LOC131768270: variants seen among roughly 807,000 people sequenced by gnomAD.
chr5:140,566,435 C>A, the LOC131768270 span: 1 of 398,594 alleles, frequency 2.5e-6, no homozygotes, highest in Non-Finnish European at 4.4e-6. Context: ...TGGGAAAAAT[C>A]TGGAGAAAAT....
At chr5:140,566,860 C>T in the LOC131768270 span, 1 of 608,542 alleles carries the variant, frequency 1.6e-6, no homozygotes, top group Non-Finnish European at 2.9e-6. Flanking sequence ...CTATCTCCAA[C>T]TTTCCTGCCA....
the LOC131768270 span, chr5:140,568,235 C>T: frequency 6.3e-7 from 1 of 1,594,126 alleles, no homozygotes; most frequent in Non-Finnish European, 8.6e-7. Context: ...CTCCCATCAG[C>T]AGCCCTGTAA....
chr5:140,566,125 C>G, the LOC131768270 span, among the ~76,000 whole-genome samples: 2 of 152,130 alleles, frequency 1.3e-5, no homozygotes, highest in Non-Finnish European at 2.9e-5. Flanking sequence ...GGCACATGAA[C>G]TAATATCTTA....
At chr5:140,567,526 T>TAATC in the LOC131768270 span, 1 of 1,614,186 alleles carries the variant, frequency 6.2e-7, no homozygotes, top group Non-Finnish European at 8.5e-7. Context: ...AGGTGCTGAG[T>TAATC]AATCTCAAGA....
the LOC131768270 span, chr5:140,567,662 G>A: frequency 4.9e-5 from 79 of 1,613,886 alleles, no homozygotes; most frequent in Middle Eastern, 4.9e-4. Context: ...TCAAGTTCCC[G>A]GGAACACCCT....
chr5:140,568,608 T>C, the LOC131768270 span: 1 of 193,206 alleles, frequency 5.2e-6, no homozygotes, highest in Non-Finnish European at 1.2e-5. Context: ...TAAGGGATCC[T>C]CACCCTTCCA....
At chr5:140,568,045 G>C in the LOC131768270 span, 2 of 1,613,966 alleles carry the variant, frequency 1.2e-6, no homozygotes, top group East Asian at 4.5e-5. Context: ...TCAACGCCGT[G>C]CTCTCAGCAG....
chr5:140,567,308 C>T, the LOC131768270 span: 1 of 1,614,170 alleles, frequency 6.2e-7, no homozygotes, highest in Non-Finnish European at 8.5e-7. Flanking sequence ...CGGCCGAGTG[C>T]CCTTCCGGCC....
the LOC131768270 span, chr5:140,566,911 G>C: frequency 1.5e-6 from 1 of 645,742 alleles, no homozygotes; most frequent in South Asian, 1.8e-5. Context: ...GTGGACAGTA[G>C]TTCCTCAGCC....
At chr5:140,566,987 G>A in the LOC131768270 span, 7 of 931,022 alleles carry the variant, frequency 7.5e-6, no homozygotes, top group Non-Finnish European at 1.2e-5. Context: ...GTGGCTTCAA[G>A]GACCACCAGC....
At chr5:140,566,123 A>T in the LOC131768270 span, among the ~76,000 whole-genome samples, 2 of 152,192 alleles carry the variant, frequency 1.3e-5, no homozygotes, top group African/African-American at 4.8e-5. Flanking sequence ...ATGGCACATG[A>T]ACTAATATCT....
At chr5:140,567,880 T>TGGC in the LOC131768270 span, 7 of 1,614,244 alleles carry the variant, frequency 4.3e-6, no homozygotes, top group Non-Finnish European at 5.1e-6. Context: ...GTCTGCATGC[T>TGGC]GGCGGCGGCT....
chr5:140,567,832 C>A, the LOC131768270 span: 1 of 1,614,160 alleles, frequency 6.2e-7, no homozygotes, highest in Non-Finnish European at 8.5e-7. Flanking sequence ...CACTTCAGAA[C>A]CTCTTCCTCT....
chr5:140,567,787 A>G, the LOC131768270 span: 2 of 1,613,952 alleles, frequency 1.2e-6, no homozygotes, highest in South Asian at 1.1e-5. Flanking sequence ...CAGTGTACAC[A>G]GAGCTGCTCA....
the LOC131768270 span, chr5:140,567,466 C>T: frequency 6.2e-7 from 1 of 1,614,164 alleles, no homozygotes; most frequent in Non-Finnish European, 8.5e-7. Flanking sequence ...ATGGCGCTAA[C>T]AACAACCTGG....
the LOC131768270 span, chr5:140,567,934 C>T: frequency 2.3e-5 from 37 of 1,614,080 alleles, no homozygotes; most frequent in African/African-American, 6.7e-5. Context: ...GGGCAGCACT[C>T]GTGGTGCTGA....
chr5:140,566,689 A>T, the LOC131768270 span: 4 of 531,986 alleles, frequency 7.5e-6, no homozygotes, highest in Non-Finnish European at 1.3e-5. Flanking sequence ...TATGCGGCTC[A>T]GGCATATGCT....
the LOC131768270 span, chr5:140,567,307 G>A: frequency 6.2e-7 from 1 of 1,614,168 alleles, no homozygotes; most frequent in Non-Finnish European, 8.5e-7. Context: ...ACGGCCGAGT[G>A]CCCTTCCGGC....
the LOC131768270 span, chr5:140,568,998 G>A: frequency 6.0e-6 from 1 of 167,072 alleles, no homozygotes; most frequent in East Asian, 1.9e-4. Flanking sequence ...CTGAGACCAG[G>A]TACAGGAAAC....
Sources: gnomAD v4.1 joint callset for allele counts (sites outside exome capture counted in the v4.1 genomes callset) on GRCh38, gnomAD v4.1.1 for gene constraint, MANE v1.5 for transcripts.